The following VPS39 variants were observed in gnomAD, a reference collection of about 807,000 sequenced individuals.
VPS39 encodes the protein VPS39 subunit of HOPS complex, also known as vam6/Vps39-like protein.
VPS39 carries 70 observed loss-of-function variants against 121.0 expected under a neutral mutation model. That is an observed-to-expected ratio of 0.58 (90% CI 0.48 to 0.71). The LOEUF is 0.71. Among genes scored for constraint, VPS39 ranks in the 30% least tolerant of loss-of-function variants. VPS39 has a pLI of 0.00. For synonymous variants in VPS39, 378 were observed against 398.1 expected, an observed-to-expected ratio of 0.95 and a Z score of 0.60; for missense variants, 818 against 1,051.5, an observed-to-expected ratio of 0.78 and a Z score of 3.07.
intron 1 of VPS39, among the ~76,000 whole-genome samples, chr15:42,201,241 T>A (rs2050062368): frequency 6.6e-6 from 1 of 152,174 alleles, no homozygotes; most frequent in Non-Finnish European, 1.5e-5. Flanking sequence ...AGTGGTGTGA[T>A]CATGGCTCAT....
chr15:42,201,756 C>G (rs2050073801), intron 1 of VPS39, among the ~76,000 whole-genome samples: 1 of 152,102 alleles, frequency 6.6e-6, no homozygotes, highest in Non-Finnish European at 1.5e-5. Context: ...TTACATCATT[C>G]AAGGAAGGTA....
intron 12 of VPS39, among the ~76,000 whole-genome samples, chr15:42,168,628 C>T (rs1189515469): frequency 6.6e-6 from 1 of 151,636 alleles, no homozygotes; most frequent in Non-Finnish European, 1.5e-5. Flanking sequence ...ACTTCCACCT[C>T]TGCCTCCTGA....
Position 42,162,072 on chromosome 15 carries a change from T to C in VPS39, c.2420A>G (p.Asn807Ser), listed in dbSNP as rs1191944824. ...ATGGAGAAGGTTCTTGAGCACTTGA[T>C]TGAACCGTTTCTTTTGTGCATTTTC... ...LEENAQKKRF[N>S]QVLKNLLHAE... Residue 807 changes from asparagine (N) to serine (S), a missense_variant, in exon 23 of 25, where the codon AAT becomes AGT. Transcript: ENST00000318006. 8 of 1,614,106 alleles carry C rather than the reference T, an allele frequency of 5.0e-6. No individual in the cohort carries two copies. The highest frequency in any genetic ancestry group is 5.1e-6 in the Non-Finnish European group (6 of 1,180,042).
chr15:42,186,720 T>C (rs1201075006), intron 7 of VPS39, among the ~76,000 whole-genome samples: 6 of 152,216 alleles, frequency 3.9e-5, no homozygotes, highest in Non-Finnish European at 8.8e-5. Context: ...TACCAAGAAG[T>C]TGGCAGTGAC....
chr15:42,208,282 A>G lies in VPS39; in HGVS notation c.-129T>C, dbSNP rs557171836. ...GAACCCCCCGGCTACAGGCCCTTCA[A>G]CAACACAGCCATCGTCAACCCCGGA... On this transcript the variant is annotated 5_prime_UTR_variant, in exon 1 of 25. Coordinates refer to ENST00000318006, the MANE Select transcript of VPS39 (RefSeq NM_015289.5). 2,472 of 1,227,254 alleles carry G rather than the reference A, an allele frequency of 2.0e-3. 3 individuals are homozygous for G. The highest frequency in any genetic ancestry group is 2.6e-3 in the Non-Finnish European group (2,334 of 888,650). 76.0% of individuals were successfully genotyped at this position (1,227,254 alleles called of 1,614,324 possible). A position where few individuals can be genotyped will look rare whatever the true frequency, so the allele number is the denominator to read the frequency against.
In VPS39 at chr15:42,164,681, A is replaced by G; in HGVS notation, c.1898-195T>C. Reference sequence around the variant, plus strand: ...AAAACATCAGCTTACGGTTAAAAAAATAAGCTGAATAGAGAAATACTCTGT... The same window carrying G: ...AAAACATCAGCTTACGGTTAAAAAAGTAAGCTGAATAGAGAAATACTCTGT... On this transcript the variant is annotated intron_variant, in intron 18 of 24. Coordinates refer to ENST00000318006, the MANE Select transcript of VPS39 (RefSeq NM_015289.5). 7.0e-6 allele frequency: 10 copies of G among 1,434,992 alleles called. No individual in the cohort carries two copies. The Admixed American group carries it at 8.6e-5, about 12-fold the overall frequency. 88.9% of individuals were successfully genotyped at this position (1,434,992 alleles called of 1,614,324 possible).
chr15:42,175,380 C>T (rs1197847186), intron 10 of VPS39, among the ~76,000 whole-genome samples: 1 of 150,526 alleles, frequency 6.6e-6, no homozygotes, highest in East Asian at 1.9e-4. Context: ...TGCACTCCAG[C>T]CTGGCGATAG....
intron 11 of VPS39, among the ~76,000 whole-genome samples, chr15:42,172,358 A>G (rs2049363607): frequency 6.6e-6 from 1 of 152,192 alleles, no homozygotes; most frequent in African/African-American, 2.4e-5. Context: ...TGAGTGAGCC[A>G]GCTTGGAAGT....
chr15:42,180,299 T>C (rs1167155916), intron 8 of VPS39, among the ~76,000 whole-genome samples: 1 of 152,198 alleles, frequency 6.6e-6, no homozygotes, highest in African/African-American at 2.4e-5. Flanking sequence ...TTCATTCATC[T>C]ATCCATGACC....
At chr15:42,170,141 G>A (rs1407984822) in intron 11 of VPS39, among the ~76,000 whole-genome samples, 1 of 151,830 alleles carries the variant, frequency 6.6e-6, no homozygotes, top group Non-Finnish European at 1.5e-5. Context: ...TCTGAAAGTA[G>A]AGAATAAAAA....
chr15:42,205,380 G>A (rs1268038302), intron 1 of VPS39, among the ~76,000 whole-genome samples: 2 of 152,184 alleles, frequency 1.3e-5, no homozygotes, highest in Non-Finnish European at 1.5e-5. Flanking sequence ...GCTGATTTGG[G>A]TGACATTTCA....
chr15:42,178,107 T>A (rs1425703282), intron 10 of VPS39, 111 bp downstream of exon 10: 1 of 1,473,794 alleles, frequency 6.8e-7, no homozygotes, highest in African/African-American at 1.4e-5. Context: ...GGCCCTGGAC[T>A]TTCAGCTATG....
intron 17 of VPS39, chr15:42,165,397 T>TACA: frequency 1.9e-6 from 1 of 523,394 alleles, no homozygotes; most frequent in Admixed American, 3.5e-5. Context: ...GTTAAATATC[T>TACA]GCATCCTGGT....
chr15:42,168,546 T>C (rs1056350886), intron 12 of VPS39, among the ~76,000 whole-genome samples: 68 of 149,594 alleles, frequency 4.5e-4, no homozygotes, highest in East Asian at 2.3e-3. Context: ...ACTTCTTCTT[T>C]TTTTTTTTTT....
rs1595631920 is a variant in VPS39, at chr15:42,160,496, C to A, written c.*258G>T. The A allele has an allele frequency of 2.1e-6, 1 of 481,296 alleles. No homozygotes were observed. The highest frequency in any genetic ancestry group is 3.8e-6 in the Non-Finnish European group (1 of 264,386). 29.8% of individuals were successfully genotyped at this position (481,296 alleles called of 1,614,324 possible). ...GCAAGATGGTGCACATCCTCCTGACCAAGCAGGTACTGAATTCTCTGGAAT... is the reference window on the plus strand; with the variant it reads ...GCAAGATGGTGCACATCCTCCTGACAAAGCAGGTACTGAATTCTCTGGAAT... On this transcript the variant is annotated 3_prime_UTR_variant, in exon 25 of 25. Coordinates refer to ENST00000318006, the MANE Select transcript of VPS39 (RefSeq NM_015289.5).
Position 42,160,495 on chromosome 15 carries a change from C to T in VPS39, c.*259G>A, listed in dbSNP as rs903312133. The T allele has an allele frequency of 7.1e-5, 34 of 481,228 alleles. No individual in the cohort carries two copies. In the Admixed American group the frequency reaches 1.1e-3, roughly 16 times the overall value. 29.8% of individuals were successfully genotyped at this position (481,228 alleles called of 1,614,324 possible). The stretch of plus-strand genomic sequence containing the variant: ...GGCAAGATGGTGCACATCCTCCTGA[C>T]CAAGCAGGTACTGAATTCTCTGGAA... On this transcript the variant is annotated 3_prime_UTR_variant, in exon 25 of 25. Coordinates refer to ENST00000318006, the MANE Select transcript of VPS39 (RefSeq NM_015289.5).
At chr15:42,167,664 T>C (rs2049271792) in intron 12 of VPS39, 127 bp from the exon 13 acceptor site, 1 of 1,206,714 alleles carries the variant, frequency 8.3e-7, no homozygotes, top group Admixed American at 2.7e-5. Context: ...TAGCATTCGA[T>C]TTTTAGCACT....
rs750029922 is a variant in VPS39, at chr15:42,208,275, C to T, written c.-122G>A. The T allele has an allele frequency of 2.5e-5, 32 of 1,303,878 alleles. No homozygotes were observed. The highest frequency in any genetic ancestry group is 1.5e-4 in the East Asian group (6 of 38,912). 80.8% of individuals were successfully genotyped at this position (1,303,878 alleles called of 1,614,324 possible). ...CGGCCAGGAACCCCCCGGCTACAGG[C>T]CCTTCAACAACACAGCCATCGTCAA... is the stretch of plus-strand genomic sequence containing the variant. On this transcript the variant is annotated 5_prime_UTR_variant, in exon 1 of 25. Coordinates refer to ENST00000318006, the MANE Select transcript of VPS39 (RefSeq NM_015289.5).
At chr15:42,175,359 G>A (rs757830429) in intron 10 of VPS39, among the ~76,000 whole-genome samples, 1 of 150,352 alleles carries the variant, frequency 6.7e-6, no homozygotes, top group Non-Finnish European at 1.5e-5. Flanking sequence ...AGCGAGCTGA[G>A]ATTGCACCAC....
Sources: gnomAD v4.1 joint callset for allele counts (sites outside exome capture counted in the v4.1 genomes callset) on GRCh38, gnomAD v4.1.1 for gene constraint, MANE v1.5 for transcripts, NCBI Gene and HGNC (gene_info 2026-07-23, HGNC 2026-07-21) for gene names.